FER1L6: variants seen among roughly 807,000 people sequenced by gnomAD.
FER1L6 encodes the protein fer-1-like protein 6.
Under a neutral mutation model 219.2 loss-of-function variants are expected in FER1L6, and 177 were observed. The ratio of observed to expected loss-of-function variants is 0.81; its 90% CI spans 0.71 to 0.91. The LOEUF (loss-of-function observed/expected upper bound fraction) is 0.91, where lower values mean the gene tolerates loss of function less well. Among genes scored for constraint, FER1L6 ranks in the 40% least tolerant of loss-of-function variants. The pLI is 0.00. For missense variants in FER1L6, 2,153 were observed against 2,259.9 expected (o/e 0.95, Z 0.96); for synonymous variants, 768 against 824.3 (o/e 0.93, Z 1.17).
intron 21 of FER1L6, chr8:124,047,511 A>G (rs1263771811): frequency 2.0e-5 from 3 of 152,196 alleles, no homozygotes; most frequent in African/African-American, 7.2e-5. Context: ...GGATATTAAA[A>G]TATTTTTGTA....
intron 1 of FER1L6, among the ~76,000 whole-genome samples, chr8:123,886,213 G>A (rs1817198662): frequency 6.6e-6 from 1 of 152,136 alleles, no homozygotes; most frequent in African/African-American, 2.4e-5. Flanking sequence ...GCTATGGTTT[G>A]GATATGGTTT....
intron 12 of FER1L6, 63 bp downstream of exon 12, chr8:123,986,239 A>C: frequency 9.9e-7 from 1 of 1,013,268 alleles, no homozygotes; most frequent in Non-Finnish European, 1.5e-6. Flanking sequence ...TTCTTGAATA[A>C]ATGAGTTAGT....
At chr8:123,934,222 G>C (rs1439019466) in intron 1 of FER1L6, among the ~76,000 whole-genome samples, 1 of 152,126 alleles carries the variant, frequency 6.6e-6, no homozygotes, top group Non-Finnish European at 1.5e-5. Flanking sequence ...AGGGTTAACT[G>C]TTGATACTCT....
chr8:124,019,375 C>T (rs4460354), intron 16 of FER1L6, among the ~76,000 whole-genome samples: 87,875 of 152,078 alleles, frequency 0.58, 25,866 homozygotes, highest in African/African-American at 0.64. Flanking sequence ...CCCTGTCTAG[C>T]ACCACAGTGC....
chr8:124,032,950 C>G lies in FER1L6; in HGVS notation c.2287-2327C>G, dbSNP rs142185287. Among the ~76,000 whole-genome samples, 175 of 152,248 alleles carry G rather than the reference C, an allele frequency of 1.1e-3. 1 individual carries two copies. The Middle Eastern group carries it at 0.014, about 12-fold the overall frequency. ...AGTTGAATTTGAGTGTGCATTTTAA[C>G]CAGATGCCCTGGCAATCCATGTGCT... is the stretch of plus-strand genomic sequence containing the variant. On this transcript the variant is annotated intron_variant, in intron 18 of 40. Transcript: ENST00000522917.
At chr8:123,976,862 G>C (rs1050621280) in intron 9 of FER1L6, among the ~76,000 whole-genome samples, 1 of 152,174 alleles carries the variant, frequency 6.6e-6, no homozygotes, top group African/African-American at 2.4e-5. Context: ...GAGGTGTCAG[G>C]GCCTGTGTAC....
At position 123,898,764 on chromosome 8, in the gene FER1L6, T is replaced by C. The variant is rs529440874; in HGVS notation, c.-8+46579T>C. 4.6e-3 allele frequency among the ~76,000 whole-genome samples: 544 copies of C among 117,990 alleles called. 2 individuals are homozygous for C. The highest frequency in any genetic ancestry group is 8.1e-3 in the Non-Finnish European group (422 of 52,200). 77.4% of individuals were successfully genotyped at this position (117,990 alleles called of 152,430 possible). A position where few individuals can be genotyped will look rare whatever the true frequency, so the allele number is the denominator to read the frequency against. Reference sequence around the variant, plus strand: ...TACATATATACTATATATACACATATATATGTGTATATATACGTATGTACA... The same window carrying C: ...TACATATATACTATATATACACATACATATGTGTATATATACGTATGTACA... On this transcript the variant is annotated intron_variant, in intron 1 of 40. Transcript: ENST00000522917.
intron 20 of FER1L6, chr8:124,040,795 TC>T (rs1819454617): frequency 1.3e-5 from 2 of 152,046 alleles, no homozygotes; most frequent in African/African-American, 4.8e-5. Context: ...AGCCACCAGT[TC>T]CCCTCCCATG....
intron 1 of FER1L6, among the ~76,000 whole-genome samples, chr8:123,871,373 C>A (rs1864694): frequency 6.6e-6 from 1 of 151,680 alleles, no homozygotes; most frequent in Admixed American, 6.6e-5. Flanking sequence ...CAGGAAAAAA[C>A]GGTTGATTCT....
chr8:123,934,050 G>A (rs1813888047), intron 1 of FER1L6, among the ~76,000 whole-genome samples: 1 of 151,998 alleles, frequency 6.6e-6, no homozygotes. Context: ...CTAAGAACAA[G>A]GGGATCCTCT....
chr8:124,064,226 C>A, intron 25 of FER1L6, 121 bp from the exon 26 acceptor site: 1 of 826,286 alleles, frequency 1.2e-6, no homozygotes, highest in Non-Finnish European at 2.0e-6. Flanking sequence ...AAATGAGGTT[C>A]AGAAATATTA....
At chr8:124,096,882 T>C (rs919147662) in intron 35 of FER1L6, among the ~76,000 whole-genome samples, 4 of 152,108 alleles carry the variant, frequency 2.6e-5, no homozygotes, top group African/African-American at 7.2e-5. Context: ...TATTGTCTAT[T>C]AAGCATGGGC....
chr8:124,061,753 G>T, intron 24 of FER1L6, 99 bp from the exon 25 acceptor site: 1 of 1,191,700 alleles, frequency 8.4e-7, no homozygotes, highest in Non-Finnish European at 1.2e-6. Context: ...GGGACAGAAT[G>T]GCAAGGCAGA....
At chr8:124,116,881 C>G (rs1823272186) in intron 39 of FER1L6, among the ~76,000 whole-genome samples, 1 of 152,220 alleles carries the variant, frequency 6.6e-6, no homozygotes, top group Non-Finnish European at 1.5e-5. Flanking sequence ...TCTCTCCCAG[C>G]CATCAAGTCC....
intron 32 of FER1L6, among the ~76,000 whole-genome samples, chr8:124,078,708 G>GCACCCTCT (rs879730647): frequency 0.85 from 128,790 of 151,948 alleles, 54,750 homozygotes; most frequent in African/African-American, 0.88. Flanking sequence ...GGCATCCCAG[G>GCACCCTCT]TGGGATGGGA....
Position 123,936,668 on chromosome 8 carries a change from G to A in FER1L6, c.-7-19324G>A, listed in dbSNP as rs182172889. ...ACACTCCAGGGGATATTCAGTAGTT[G>A]AGTCAGCAAATACACACACCACTGT... On this transcript the variant is annotated intron_variant, in intron 1 of 40. Coordinates refer to ENST00000522917, the MANE Select transcript of FER1L6 (RefSeq NM_001039112.2). Among the ~76,000 whole-genome samples the A allele has an allele frequency of 1.5e-3, 225 of 152,134 alleles. 2 individuals are homozygous for A. Among genetic ancestry groups the A allele is most frequent in the African/African-American group, 4.9e-3 (205 of 41,516 alleles).
At chr8:123,925,205 G>A (rs1813517297) in intron 1 of FER1L6, among the ~76,000 whole-genome samples, 1 of 152,238 alleles carries the variant, frequency 6.6e-6, no homozygotes, top group Admixed American at 6.5e-5. Flanking sequence ...GAGGGAGACA[G>A]TCTAGGGTCA....
chr8:123,959,657 C>T (rs370168101), intron 2 of FER1L6, among the ~76,000 whole-genome samples: 10 of 152,212 alleles, frequency 6.6e-5, no homozygotes, highest in South Asian at 2.1e-4. Flanking sequence ...TTAAAATCAG[C>T]GAACCAAAAT....
At chr8:124,103,363 C>T in intron 39 of FER1L6, 54 bp downstream of exon 39, 2 of 1,543,508 alleles carry the variant, frequency 1.3e-6, no homozygotes, top group South Asian at 2.3e-5. Flanking sequence ...GGGCATCATG[C>T]TTTTCCACTG....
Sources: gnomAD v4.1 joint callset for allele counts (sites outside exome capture counted in the v4.1 genomes callset) on GRCh38, gnomAD v4.1.1 for gene constraint, MANE v1.5 for transcripts, NCBI Gene and HGNC (gene_info 2026-07-23, HGNC 2026-07-21) for gene names.